The following EHD2 variants were observed in gnomAD, a reference collection of about 807,000 sequenced individuals.
EHD2 encodes the protein EH domain-containing protein 2.
Under a neutral mutation model 41.0 loss-of-function variants are expected in EHD2, and 27 were observed. The ratio of observed to expected loss-of-function variants is 0.66; its 90% confidence interval spans 0.49 to 0.91. The LOEUF is 0.91. EHD2 is among the 40% of genes least tolerant of loss of function. EHD2 has a pLI of 0.00. For missense variants in EHD2, 673 were observed against 773.9 expected (o/e 0.87, Z 1.55); for synonymous variants, 342 against 341.0 (o/e 1.00, Z -0.03).
chr19:47,738,846 C>T (rs922565934), intron 5 of EHD2, among the ~76,000 whole-genome samples: 9 of 152,168 alleles, frequency 5.9e-5, no homozygotes, highest in Admixed American at 2.0e-4. Flanking sequence ...AATCCATTTT[C>T]GCAGAGACTG....
chr19:47,728,954 T>C (rs1180181667), intron 4 of EHD2, among the ~76,000 whole-genome samples: 2 of 152,244 alleles, frequency 1.3e-5, no homozygotes, highest in Non-Finnish European at 2.9e-5. Flanking sequence ...ATTGAATGAA[T>C]GACATTGAAC....
intron 4 of EHD2, among the ~76,000 whole-genome samples, chr19:47,727,696 T>C (rs1031394344): frequency 4.8e-5 from 7 of 146,414 alleles, no homozygotes; most frequent in Non-Finnish European, 7.5e-5. Flanking sequence ...GAGACACCAT[T>C]TCTATTAAAA....
intron 3 of EHD2, among the ~76,000 whole-genome samples, chr19:47,720,026 G>A (rs2123638520): frequency 6.6e-6 from 1 of 151,564 alleles, no homozygotes; most frequent in South Asian, 2.1e-4. Context: ...TGGGTGTGGT[G>A]GTTCCACGCA....
At chr19:47,740,654 G>A (rs1248437844) in intron 5 of EHD2, among the ~76,000 whole-genome samples, 1 of 152,172 alleles carries the variant, frequency 6.6e-6, no homozygotes, top group East Asian at 1.9e-4. Context: ...GCTGAGGCAG[G>A]AGAATCGCTT....
At chr19:47,737,667 TAAA>T (rs1568593877) in intron 5 of EHD2, among the ~76,000 whole-genome samples, 1 of 151,726 alleles carries the variant, frequency 6.6e-6, no homozygotes, top group East Asian at 1.9e-4. Flanking sequence ...AATAAATAAA[TAAA>T]TAAAATAAAA....
At chr19:47,735,219 G>A (rs1046205558) in intron 4 of EHD2, among the ~76,000 whole-genome samples, 20 of 152,182 alleles carry the variant, frequency 1.3e-4, no homozygotes, top group Non-Finnish European at 1.5e-4. Context: ...AGCTATCCAG[G>A]AATGTTGACA....
intron 3 of EHD2, 100 bp downstream of exon 3, chr19:47,718,706 G>A (rs1973659717): frequency 2.7e-6 from 3 of 1,108,268 alleles, no homozygotes; most frequent in Non-Finnish European, 3.8e-6. Context: ...CTGGGTCTGA[G>A]GGAGGAGGGG....
chr19:47,716,528 C>A, intron 1 of EHD2, 30 bp from the exon 2 acceptor site: 1 of 1,419,566 alleles, frequency 7.0e-7, no homozygotes, highest in Non-Finnish European at 9.2e-7. Context: ...GCTGGGCCGC[C>A]TATGCTCATG....
Position 47,716,966 on chromosome 19 carries a change from G to A in EHD2, c.354G>A (p.Pro118=), listed in dbSNP as rs1486629732. ...CCGGCAACGCCCTCGTCGTGGACCC[G>A]GACAAGCCCTTCCGCAAACTCAACC... The part of the protein sequence containing the change: ...TVPGNALVVD[P]DKPFRKLNPF... Residue 118 remains proline (P), a synonymous_variant, in exon 2 of 6, where the codon CCG becomes CCA. Transcript: ENST00000263277. The A allele has an allele frequency of 6.2e-6, 10 of 1,605,098 alleles. No individual in the cohort carries two copies. The highest frequency in any genetic ancestry group is 1.1e-5 in the South Asian group (1 of 91,078).
chr19:47,718,872 A>C (rs1973664553), intron 3 of EHD2, among the ~76,000 whole-genome samples: 2 of 124,634 alleles, frequency 1.6e-5, no homozygotes, highest in Non-Finnish European at 3.3e-5. Context: ...TGGGGTCTGG[A>C]CTCCTGGGTC....
chr19:47,729,746 C>G (rs1294892340), intron 4 of EHD2: 1 of 151,424 alleles, frequency 6.6e-6, no homozygotes, highest in Non-Finnish European at 1.5e-5. Context: ...CACTGTGGAC[C>G]AGGCTGCCAC....
rs1212353725 is a variant in EHD2, at chr19:47,742,328, A to G, written c.*896A>G. The G allele has an allele frequency of 4.0e-6, 1 of 250,690 alleles. No homozygotes were observed. Among genetic ancestry groups the G allele is most frequent in the Non-Finnish European group, 7.8e-6 (1 of 128,690 alleles). The allele number at this position is 250,690 out of a possible 1,614,324, so 15.5% of individuals were successfully genotyped here. A position where few individuals can be genotyped will look rare whatever the true frequency, so the allele number is the denominator to read the frequency against. On this transcript the variant is annotated 3_prime_UTR_variant, in exon 6 of 6. Transcript: ENST00000263277. ...TGCTCTGTCGCCCAGGCTGGAGTGC[A>G]GTGGTGAGATCTCAGCTCACTGCAA...
At chr19:47,733,331 G>A (rs556966772) in intron 4 of EHD2, among the ~76,000 whole-genome samples, 71 of 151,302 alleles carry the variant, frequency 4.7e-4, no homozygotes, top group Non-Finnish European at 9.0e-4. Flanking sequence ...GACCTCCCCG[G>A]CTTCAGTGAT....
rs540074837 is a variant in EHD2, at chr19:47,730,514, CAT to C, written c.915+4293_915+4294del. ...GTCGCACCCCCACCCCTGCTCCTCA[CAT>C]ATGAGTCCGCCACACTTGGTCGTCA... On this transcript the variant is annotated intron_variant, in intron 4 of 5. Coordinates refer to ENST00000263277, the MANE Select transcript of EHD2 (RefSeq NM_014601.4). Among the ~76,000 whole-genome samples, 375 of 152,264 alleles carry C rather than the reference CAT, an allele frequency of 2.5e-3. 2 individuals are homozygous for C. Among genetic ancestry groups the C allele is most frequent in the African/African-American group, 8.6e-3 (357 of 41,556 alleles).
intron 3 of EHD2, among the ~76,000 whole-genome samples, chr19:47,720,584 T>C (rs1457900540): frequency 6.6e-6 from 1 of 152,094 alleles, no homozygotes; most frequent in Non-Finnish European, 1.5e-5. Flanking sequence ...CGTGTGTGTG[T>C]GAGAGAGACA....
At chr19:47,720,888 G>A (rs1973687599) in intron 3 of EHD2, among the ~76,000 whole-genome samples, 1 of 151,738 alleles carries the variant, frequency 6.6e-6, no homozygotes, top group Non-Finnish European at 1.5e-5. Context: ...TTGTGTAACT[G>A]TGTGTGATTA....
chr19:47,740,163 C>T (rs988569231), intron 5 of EHD2, among the ~76,000 whole-genome samples: 2 of 152,070 alleles, frequency 1.3e-5, no homozygotes, highest in African/African-American at 2.4e-5. Flanking sequence ...CTCAGGAGTT[C>T]GAGACCAGCC....
intron 3 of EHD2, among the ~76,000 whole-genome samples, chr19:47,723,235 C>T (rs1050619292): frequency 2.0e-5 from 3 of 152,208 alleles, no homozygotes; most frequent in African/African-American, 7.2e-5. Flanking sequence ...TCAGCCTCCA[C>T]ACACACAGCA....
At chr19:47,730,487 G>C (rs1279740197) in intron 4 of EHD2, among the ~76,000 whole-genome samples, 2 of 151,956 alleles carry the variant, frequency 1.3e-5, no homozygotes, top group Non-Finnish European at 2.9e-5. Context: ...CCTTTGCCCC[G>C]TGTCGCACCC....
Sources: gnomAD v4.1 joint callset for allele counts (sites outside exome capture counted in the v4.1 genomes callset) on GRCh38, gnomAD v4.1.1 for gene constraint, MANE v1.5 for transcripts, NCBI Gene and HGNC (gene_info 2026-07-23, HGNC 2026-07-21) for gene names.